The following ADAMTS3 variants were observed in gnomAD, a reference collection of about 807,000 sequenced individuals.
ADAMTS3 encodes ADAM metallopeptidase with thrombospondin type 1 motif 3, also known as A disintegrin and metalloproteinase with thrombospondin motifs 3.
In ADAMTS3, 73 loss-of-function variants were observed where a neutral mutation model predicts 129.0. The ratio of observed to expected loss-of-function variants is 0.57; its 90% CI spans 0.47 to 0.69. The LOEUF is 0.69. Among genes scored for constraint, ADAMTS3 ranks in the 30% least tolerant of loss-of-function variants. The pLI, the probability that ADAMTS3 is intolerant of heterozygous loss-of-function variation, is 0.00. For synonymous variants in ADAMTS3, 477 were observed against 510.8 expected (o/e 0.93, Z 0.89); for missense variants, 1,457 against 1,514.5 (o/e 0.96, Z 0.63).
intron 20 of ADAMTS3, among the ~76,000 whole-genome samples, chr4:72,289,888 G>A (rs1385071624): frequency 6.6e-6 from 1 of 152,090 alleles, no homozygotes; most frequent in Non-Finnish European, 1.5e-5. Flanking sequence ...ATAAACTTTT[G>A]TTCTTTATAA....
At chr4:72,319,142 A>C (rs2304364) in intron 9 of ADAMTS3, among the ~76,000 whole-genome samples, 190 bp downstream of exon 9, 4,180 of 152,284 alleles carry the variant, frequency 0.027, 149 homozygotes, top group East Asian at 0.19. Flanking sequence ...CTTATATTCT[A>C]GACTTATGGC....
chr4:72,342,071 T>C (rs1384167652), intron 4 of ADAMTS3, among the ~76,000 whole-genome samples: 1 of 152,196 alleles, frequency 6.6e-6, no homozygotes, highest in Admixed American at 6.5e-5. Context: ...GCTATGACAA[T>C]AAGAGAAATT....
In ADAMTS3 at chr4:72,490,148, T is replaced by C. The variant is rs1182088788; in HGVS notation, c.504+58330A>G. Reference sequence around the variant, plus strand: ...CACTTTTTCATATACCTATTGGCCATTTGTTGTCTTCTATTGAGAAATGTC... The same window carrying C: ...CACTTTTTCATATACCTATTGGCCACTTGTTGTCTTCTATTGAGAAATGTC... On this transcript the variant is annotated intron_variant, in intron 3 of 21. Transcript: ENST00000286657. 2.6e-5 allele frequency among the ~76,000 whole-genome samples: 4 copies of C among 151,926 alleles called. No individual in the cohort carries two copies. The East Asian group carries it at 5.8e-4, about 22-fold the overall frequency.
intron 4 of ADAMTS3, among the ~76,000 whole-genome samples, chr4:72,378,972 T>C (rs72863734): frequency 0.077 from 11,649 of 152,146 alleles, 1,520 homozygotes; most frequent in African/African-American, 0.27. Flanking sequence ...CAGACAAGAA[T>C]CACTCAGCTG....
intron 3 of ADAMTS3, among the ~76,000 whole-genome samples, chr4:72,457,186 G>A (rs554330408): frequency 4.0e-4 from 61 of 151,736 alleles, no homozygotes; most frequent in Non-Finnish European, 2.2e-4. Context: ...TACATTATAA[G>A]CAAATTTTAT....
chr4:72,563,831 T>G (rs1721961307), intron 2 of ADAMTS3, among the ~76,000 whole-genome samples: 1 of 152,086 alleles, frequency 6.6e-6, no homozygotes, highest in Admixed American at 6.6e-5. Flanking sequence ...TAACCAATAT[T>G]TGAGGACCCA....
At chr4:72,347,823 T>C (rs1397458835) in intron 4 of ADAMTS3, among the ~76,000 whole-genome samples, 1 of 151,892 alleles carries the variant, frequency 6.6e-6, no homozygotes. Flanking sequence ...CTGCTAGAAA[T>C]TAAGGTTTTC....
chr4:72,322,130 C>T (rs554873129), intron 6 of ADAMTS3, among the ~76,000 whole-genome samples: 1 of 152,296 alleles, frequency 6.6e-6, no homozygotes, highest in East Asian at 1.9e-4. Flanking sequence ...AATGCTTTAA[C>T]AACCAATTGG....
chr4:72,481,779 C>T (rs1719443141), intron 3 of ADAMTS3, among the ~76,000 whole-genome samples: 1 of 151,790 alleles, frequency 6.6e-6, no homozygotes, highest in Non-Finnish European at 1.5e-5. Context: ...AATGACATAT[C>T]TGACAAAGGA....
At chr4:72,476,163 T>C (rs187153702) in intron 3 of ADAMTS3, among the ~76,000 whole-genome samples, 29 of 151,464 alleles carry the variant, frequency 1.9e-4, no homozygotes, top group African/African-American at 6.5e-4. Context: ...AAAAAATCAA[T>C]AGAGAAAACC....
chr4:72,355,956 C>A (rs1210994153), intron 4 of ADAMTS3, among the ~76,000 whole-genome samples: 1 of 151,882 alleles, frequency 6.6e-6, no homozygotes, highest in Non-Finnish European at 1.5e-5. Flanking sequence ...CATGATACTG[C>A]AGACAGAGGG....
intron 4 of ADAMTS3, among the ~76,000 whole-genome samples, chr4:72,370,166 C>T (rs1180768393): frequency 6.6e-6 from 1 of 152,124 alleles, no homozygotes; most frequent in East Asian, 1.9e-4. Context: ...TGCCAAACAA[C>T]TCATTACCAA....
chr4:72,372,152 G>A (rs969830683), intron 4 of ADAMTS3, among the ~76,000 whole-genome samples: 4 of 152,064 alleles, frequency 2.6e-5, no homozygotes, highest in Admixed American at 2.0e-4. Flanking sequence ...CCTACATTGT[G>A]AAAAGAAGAA....
rs79679692 is a variant in ADAMTS3 at position 72,459,476 on chromosome 4, G to T, written c.505-44505C>A. Among the ~76,000 whole-genome samples the T allele has an allele frequency of 1.6e-3, 239 of 151,652 alleles. 1 individual carries two copies. The highest frequency in any genetic ancestry group is 5.5e-3 in the African/African-American group (226 of 41,466). ...TTAGCATAGAATCATGATTAAGAGC[G>T]TGAGGTTTAGACAGACTCAAGTCTG... On this transcript the variant is annotated intron_variant, in intron 3 of 21. Coordinates refer to ENST00000286657, the MANE Select transcript of ADAMTS3 (RefSeq NM_014243.3).
At chr4:72,432,440 G>A (rs1722723111) in intron 3 of ADAMTS3, among the ~76,000 whole-genome samples, 1 of 151,846 alleles carries the variant, frequency 6.6e-6, no homozygotes, top group Admixed American at 6.6e-5. Flanking sequence ...GACAATAACA[G>A]CACCCAGCTT....
intron 4 of ADAMTS3, among the ~76,000 whole-genome samples, chr4:72,341,166 T>C (rs1451382674): frequency 6.6e-6 from 1 of 152,162 alleles, no homozygotes; most frequent in African/African-American, 2.4e-5. Context: ...GGATTAGAAG[T>C]AGTGAAAGTA....
chr4:72,481,387 A>G (rs1409317968), intron 3 of ADAMTS3, among the ~76,000 whole-genome samples: 1 of 152,192 alleles, frequency 6.6e-6, no homozygotes, highest in Non-Finnish European at 1.5e-5. Flanking sequence ...ATCCAGAAAC[A>G]TATCCACACC....
chr4:72,459,314 C>A (rs1363971532), intron 3 of ADAMTS3, among the ~76,000 whole-genome samples: 2 of 151,514 alleles, frequency 1.3e-5, no homozygotes, highest in African/African-American at 4.8e-5. Flanking sequence ...TTATCAAGAA[C>A]ACTTTGGATA....
chr4:72,463,501 A>G (rs1232626516), intron 3 of ADAMTS3, among the ~76,000 whole-genome samples: 4 of 151,992 alleles, frequency 2.6e-5, no homozygotes, highest in Non-Finnish European at 4.4e-5. Context: ...GACAAAAGCC[A>G]CAATGAACAG....
Sources: gnomAD v4.1 joint callset for allele counts (sites outside exome capture counted in the v4.1 genomes callset) on GRCh38, gnomAD v4.1.1 for gene constraint, MANE v1.5 for transcripts, NCBI Gene and HGNC (gene_info 2026-07-23, HGNC 2026-07-21) for gene names.